The following CD55 variants were observed in gnomAD, a reference collection of about 807,000 sequenced individuals.
CD55 encodes CD55 molecule (Cromer blood group), also known as complement decay-accelerating factor.
Under a neutral mutation model 45.8 loss-of-function variants are expected in CD55, and 41 were observed. The observed-to-expected ratio is 0.90, with a 90% confidence interval of 0.70 to 1.16. The LOEUF (loss-of-function observed/expected upper bound fraction) is 1.16, where lower values mean the gene tolerates loss of function less well. CD55 is among the 50% of genes most tolerant of loss of function. The pLI is 0.00. For synonymous variants in CD55, 181 were observed against 181.1 expected (o/e 1.00, Z 0.01); for missense variants, 416 against 469.8 (o/e 0.89, Z 1.06).
intron 9 of CD55, among the ~76,000 whole-genome samples, chr1:207,341,135 AAGTT>A (rs1655409314): frequency 6.6e-6 from 1 of 152,106 alleles, no homozygotes; most frequent in African/African-American, 2.4e-5. Context: ...TTTCGCTAGT[AAGTT>A]GAGTTCGTTG....
chr1:207,331,528 G>A (rs944571382), intron 6 of CD55, among the ~76,000 whole-genome samples: 3 of 151,900 alleles, frequency 2.0e-5, no homozygotes, highest in Non-Finnish European at 4.4e-5. Context: ...TATAAAATAG[G>A]CCTCATATTT....
At chr1:207,339,449 T>C (rs768277801) in intron 9 of CD55, 32 bp downstream of exon 9, 5 of 1,561,374 alleles carry the variant, frequency 3.2e-6, no homozygotes, top group Non-Finnish European at 4.4e-6. Context: ...TTAAAAGAAA[T>C]TGTTTTCACT....
chr1:207,323,331 A>G (rs1054362044), intron 2 of CD55, among the ~76,000 whole-genome samples: 1 of 151,846 alleles, frequency 6.6e-6, no homozygotes, highest in Admixed American at 6.6e-5. Context: ...AAACTGGGAT[A>G]TAGACAGGTA....
chr1:207,332,048 A>G (rs1572878606), intron 6 of CD55, among the ~76,000 whole-genome samples: 2 of 152,042 alleles, frequency 1.3e-5, no homozygotes, highest in African/African-American at 2.4e-5. Context: ...GATTTTTATT[A>G]TAAGTGTTAT....
At chr1:207,343,233 G>T (rs545256952) in intron 9 of CD55, among the ~76,000 whole-genome samples, 2 of 152,000 alleles carry the variant, frequency 1.3e-5, no homozygotes, top group South Asian at 4.2e-4. Flanking sequence ...GGGTTGGTTT[G>T]TTCTTCCTTC....
chr1:207,344,194 C>T (rs1655539239), intron 9 of CD55, among the ~76,000 whole-genome samples: 1 of 152,174 alleles, frequency 6.6e-6, no homozygotes, highest in Admixed American at 6.5e-5. Flanking sequence ...TTATTCCTGT[C>T]ATCTTATTAA....
chr1:207,356,968 G>A (rs971340915), intron 9 of CD55, among the ~76,000 whole-genome samples: 8 of 152,024 alleles, frequency 5.3e-5, no homozygotes, highest in African/African-American at 1.4e-4. Flanking sequence ...ATGCCTGTCC[G>A]TTTTTCCCAT....
rs1165824958 is a variant in CD55 at position 207,321,747 on chromosome 1, T to C, written c.-19T>C. On this transcript the variant is annotated 5_prime_UTR_variant, in exon 1 of 10. Transcript: ENST00000367064. ...CGGCGGAGTCCCGGCGGCGCGTCCT[T>C]GTTCTAACCCGGCGCGCCATGACCG... 5.3e-6 allele frequency: 8 copies of C among 1,497,902 alleles called. No homozygotes were observed. The Admixed American group carries it at 1.5e-4, about 29-fold the overall frequency. The allele number at this position is 1,497,902 out of a possible 1,614,324, so 92.8% of individuals were successfully genotyped here. A position where few individuals can be genotyped will look rare whatever the true frequency, so the allele number is the denominator to read the frequency against.
intron 2 of CD55, among the ~76,000 whole-genome samples, chr1:207,323,615 A>G (rs1216645613): frequency 6.6e-6 from 1 of 152,216 alleles, no homozygotes; most frequent in Admixed American, 6.5e-5. Context: ...AAGAGACCCG[A>G]TAACCTGACT....
chr1:207,327,796 G>A lies in CD55; in HGVS notation c.664+959G>A, dbSNP rs2802229. Among the ~76,000 whole-genome samples the A allele has an allele frequency of 6.1e-3, 924 of 152,206 alleles. 11 individuals are homozygous for A. The highest frequency in any genetic ancestry group is 0.021 in the African/African-American group (870 of 41,502). On this transcript the variant is annotated intron_variant, in intron 5 of 9. Transcript: ENST00000367064. ...ACACGAAGACAAATAAAATGAAGCC[G>A]TGCCATTAAGGAGCCTGTCCCTGCC...
chr1:207,329,550 T>G (rs1654846665), intron 5 of CD55, among the ~76,000 whole-genome samples: 1 of 152,158 alleles, frequency 6.6e-6, no homozygotes, highest in East Asian at 1.9e-4. Flanking sequence ...GACACTCAGG[T>G]CTTGCCTTCA....
Position 207,322,401 on chromosome 1 carries a change from A to G in CD55, c.120A>G (p.Pro40=). ...CCCTAGGTGACTGTGGCCTTCCCCC[A>G]GATGTACCTAATGCCCAGCCAGCTT... The part of the protein sequence containing the change: ...PAVWGDCGLP[P]DVPNAQPALE... The change falls in exon 2 of 10, where the codon CCA becomes CCG. Residue 40 remains proline, a synonymous_variant. Transcript: ENST00000367064. The G allele has an allele frequency of 6.2e-7, 1 of 1,614,080 alleles. No individual in the cohort carries two copies. Among genetic ancestry groups the G allele is most frequent in the Non-Finnish European group, 8.5e-7 (1 of 1,179,944 alleles).
intron 9 of CD55, among the ~76,000 whole-genome samples, chr1:207,346,616 C>T (rs910075597): frequency 1.9e-4 from 29 of 152,168 alleles, no homozygotes; most frequent in African/African-American, 5.3e-4. Flanking sequence ...TAGCCGCATG[C>T]ACTGGAATTT....
intron 9 of CD55, among the ~76,000 whole-genome samples, 174 bp downstream of exon 9, chr1:207,339,591 C>T (rs977299319): frequency 6.6e-6 from 1 of 152,122 alleles, no homozygotes; most frequent in African/African-American, 2.4e-5. Flanking sequence ...GAAAATAGTA[C>T]AGTGAATCCT....
intron 8 of CD55, among the ~76,000 whole-genome samples, chr1:207,338,492 T>A (rs920604598): frequency 6.6e-6 from 1 of 152,164 alleles, no homozygotes; most frequent in Non-Finnish European, 1.5e-5. Flanking sequence ...ATTGACATAT[T>A]TCCTTCTGTA....
intron 9 of CD55, among the ~76,000 whole-genome samples, chr1:207,343,311 T>C (rs1414495183): frequency 6.6e-6 from 1 of 152,136 alleles, no homozygotes; most frequent in African/African-American, 2.4e-5. Context: ...ATGTAATCAT[T>C]TATTGCTGTA....
At chr1:207,352,485 A>G (rs1655904785) in intron 9 of CD55, among the ~76,000 whole-genome samples, 1 of 152,144 alleles carries the variant, frequency 6.6e-6, no homozygotes, top group African/African-American at 2.4e-5. Context: ...ACAAAATCAT[A>G]TAGAAGAAAG....
intron 3 of CD55, 51 bp downstream of exon 3, chr1:207,324,801 T>C (rs764505356): frequency 8.9e-7 from 1 of 1,127,726 alleles, no homozygotes; most frequent in East Asian, 2.4e-5. Flanking sequence ...TTGGGGGAAA[T>C]AGTATCCCTT....
At chr1:207,346,863 A>G (rs1351363394) in intron 9 of CD55, among the ~76,000 whole-genome samples, 3 of 152,120 alleles carry the variant, frequency 2.0e-5, no homozygotes, top group East Asian at 3.8e-4. Flanking sequence ...GCAGCTTCCT[A>G]TGTTAGATCT....
Sources: gnomAD v4.1 joint callset for allele counts (sites outside exome capture counted in the v4.1 genomes callset) on GRCh38, gnomAD v4.1.1 for gene constraint, MANE v1.5 for transcripts, NCBI Gene and HGNC (gene_info 2026-07-23, HGNC 2026-07-21) for gene names.